SEMA5B: variants seen among roughly 807,000 people sequenced by gnomAD.
SEMA5B encodes the protein semaphorin 5B.
In SEMA5B, 66 loss-of-function variants were observed where a neutral mutation model predicts 135.0. The observed-to-expected ratio is 0.49, with a 90% CI of 0.40 to 0.60. The LOEUF (loss-of-function observed/expected upper bound fraction) is 0.60, where lower values mean the gene tolerates loss of function less well. SEMA5B is among the 20% of genes least tolerant of loss of function. The pLI, the probability that SEMA5B is intolerant of heterozygous loss-of-function variation, is 0.00. For synonymous variants in SEMA5B, 690 were observed against 639.5 expected (o/e 1.08, Z -1.19); for missense variants, 1,501 against 1,566.3 (o/e 0.96, Z 0.70).
intron 2 of SEMA5B, among the ~76,000 whole-genome samples, chr3:122,952,743 G>A (rs1940114124): frequency 6.6e-6 from 1 of 152,200 alleles, no homozygotes; most frequent in East Asian, 1.9e-4. Context: ...TGCGCCAGCA[G>A]GGAGGTGGAT....
intron 4 of SEMA5B, among the ~76,000 whole-genome samples, chr3:122,941,227 C>T (rs1939543421): frequency 6.6e-6 from 1 of 151,866 alleles, no homozygotes; most frequent in Admixed American, 6.5e-5. Flanking sequence ...GCCAAAGACC[C>T]ACTACATTGG....
intron 5 of SEMA5B, among the ~76,000 whole-genome samples, chr3:122,935,318 G>A (rs1020506858): frequency 1.3e-5 from 2 of 152,098 alleles, no homozygotes; most frequent in African/African-American, 4.8e-5. Context: ...GTGGGGCTGG[G>A]GGAGCAGGGG....
chr3:122,911,228 G>T, intron 21 of SEMA5B, 183 bp from the exon 22 acceptor site: 2 of 1,075,038 alleles, frequency 1.9e-6, no homozygotes, highest in Non-Finnish European at 1.3e-6. Flanking sequence ...CTTTCACAAG[G>T]TACCCTGTGG....
At position 122,923,435 on chromosome 3, in the gene SEMA5B, C is replaced by T. The variant is rs150557197; in HGVS notation, c.1272+182G>A. On this transcript the variant is annotated intron_variant, in intron 10 of 22. Transcript: ENST00000357599. ...TTCCTCGCACTGCCCCTCACCCACT[C>T]TCCCTCACAGTTGTAGAGGCTAATA... 1.1e-3 allele frequency among the ~76,000 whole-genome samples: 173 copies of T among 152,304 alleles called. 1 individual carries two copies. Among genetic ancestry groups the T allele is most frequent in the South Asian group, 5.0e-3 (24 of 4,826 alleles).
At chr3:122,956,380 A>G (rs1940306952) in intron 2 of SEMA5B, among the ~76,000 whole-genome samples, 1 of 152,092 alleles carries the variant, frequency 6.6e-6, no homozygotes, top group South Asian at 2.1e-4. Context: ...CCCACCTTGT[A>G]TGGGACTTCT....
intron 5 of SEMA5B, among the ~76,000 whole-genome samples, chr3:122,933,541 T>G (rs1483430347): frequency 6.6e-6 from 1 of 152,140 alleles, no homozygotes; most frequent in African/African-American, 2.4e-5. Context: ...TTAGGACGGG[T>G]CTTTTTTGGG....
chr3:122,949,447 C>T (rs4677982), intron 2 of SEMA5B, among the ~76,000 whole-genome samples: 129,113 of 152,276 alleles, frequency 0.85, 55,232 homozygotes, highest in Non-Finnish European at 0.9. Context: ...ATCTTGCTTC[C>T]AGCCTGCAAG....
chr3:123,017,886 C>G (rs761681714), intron 1 of SEMA5B, among the ~76,000 whole-genome samples: 1 of 147,914 alleles, frequency 6.8e-6, no homozygotes, highest in African/African-American at 2.5e-5. Context: ...CCAGCCTGGG[C>G]GACAGAGTGA....
intron 1 of SEMA5B, among the ~76,000 whole-genome samples, chr3:122,964,650 G>A (rs993950296): frequency 1.3e-5 from 2 of 151,974 alleles, no homozygotes; most frequent in Middle Eastern, 3.4e-3. Flanking sequence ...CTCCCTCCTG[G>A]ACAAGGGAAC....
intron 1 of SEMA5B, among the ~76,000 whole-genome samples, chr3:122,998,596 G>T (rs371597478): frequency 6.6e-6 from 1 of 152,242 alleles, no homozygotes; most frequent in South Asian, 2.1e-4. Context: ...ACCCCACAAA[G>T]CTCCAGGCCT....
intron 1 of SEMA5B, among the ~76,000 whole-genome samples, chr3:122,989,276 G>T (rs538496242): frequency 2.6e-5 from 4 of 152,198 alleles, no homozygotes; most frequent in African/African-American, 9.7e-5. Context: ...CCCAGCAGCC[G>T]CACAGAGGCT....
intron 10 of SEMA5B, among the ~76,000 whole-genome samples, chr3:122,922,984 A>G (rs1938444128): frequency 6.6e-6 from 1 of 152,210 alleles, no homozygotes. Flanking sequence ...AGGAGACTGA[A>G]GGAGGTTGGA....
chr3:122,996,914 A>C (rs1207291729), intron 1 of SEMA5B, among the ~76,000 whole-genome samples: 1 of 152,124 alleles, frequency 6.6e-6, no homozygotes, highest in Non-Finnish European at 1.5e-5. Flanking sequence ...AAGGGGTGCA[A>C]ACAGCCTCGC....
intron 2 of SEMA5B, among the ~76,000 whole-genome samples, chr3:122,959,746 T>C (rs892835569): frequency 6.6e-6 from 1 of 152,148 alleles, no homozygotes; most frequent in African/African-American, 2.4e-5. Flanking sequence ...AGAGTAGTAG[T>C]GTGGCTTAAA....
rs1938017969 is a variant in SEMA5B, at chr3:122,915,486, C to T, written c.1942G>A (p.Gly648Ser). The T allele has an allele frequency of 2.5e-6, 4 of 1,613,610 alleles. No homozygotes were observed. Among genetic ancestry groups the T allele is most frequent in the Non-Finnish European group, 2.5e-6 (3 of 1,179,866 alleles). The part of the protein sequence containing the change: ...SCDSPRPRCG[G>S]LDCLGPAIHI... ...ATGGCTGGCCCCAGGCAGTCAAGGCCCCCACAGCGGGGTCGAGGGGAATCA... is the reference window on the plus strand; with the variant it reads ...ATGGCTGGCCCCAGGCAGTCAAGGCTCCCACAGCGGGGTCGAGGGGAATCA... Residue 648 changes from glycine to serine, a missense_variant, in exon 14 of 23, where the codon GGC becomes AGC. Transcript: ENST00000357599.
At chr3:122,984,808 T>A (rs1941644418) in intron 1 of SEMA5B, among the ~76,000 whole-genome samples, 1 of 152,126 alleles carries the variant, frequency 6.6e-6, no homozygotes, top group African/African-American at 2.4e-5. Flanking sequence ...GAAATTAGAT[T>A]TTATTCTAAA....
chr3:123,028,528 G>A (rs1384943989), upstream of SEMA5B: 1 of 152,304 alleles, frequency 6.6e-6, no homozygotes, highest in Non-Finnish European at 1.5e-5. Flanking sequence ...CAAGAGATGA[G>A]CGATCCGGGG....
chr3:122,926,362 G>C (rs1468049566), intron 9 of SEMA5B, 30 bp downstream of exon 9: 1 of 1,590,508 alleles, frequency 6.3e-7, no homozygotes, highest in South Asian at 1.1e-5. Context: ...TGACATCACA[G>C]GCAAGGGGCT....
At chr3:122,914,796 G>A (rs1937975432) in intron 14 of SEMA5B, among the ~76,000 whole-genome samples, 1 of 152,088 alleles carries the variant, frequency 6.6e-6, no homozygotes, top group Admixed American at 6.6e-5. Context: ...AATTAGCTGG[G>A]TATGGTGTGG....
Sources: allele counts gnomAD v4.1 joint callset (sites outside exome capture counted in the v4.1 genomes callset), GRCh38; gene constraint gnomAD v4.1.1; transcripts MANE v1.5; gene names NCBI Gene and HGNC (gene_info 2026-07-23, HGNC 2026-07-21).